The following ACOXL variants were observed in gnomAD, a reference collection of about 807,000 sequenced individuals.
ACOXL encodes acyl-coenzyme A oxidase-like protein.
ACOXL carries 70 observed loss-of-function variants against 71.9 expected under a neutral mutation model. That is an observed-to-expected ratio of 0.97 (90% CI 0.80 to 1.19). The LOEUF (loss-of-function observed/expected upper bound fraction) is 1.19. Ranked by LOEUF, ACOXL falls within the 50% of genes most tolerant of loss-of-function variation. The probability of loss-of-function intolerance (pLI) is 0.00; values close to 1 mark genes in which losing one functional copy is unlikely to be tolerated. For missense variants in ACOXL, 703 were observed against 736.3 expected (o/e 0.95, Z 0.52); for synonymous variants, 253 against 281.6 (o/e 0.90, Z 1.02).
At chr2:110,734,146 A>G (rs1214397919) in intron 1 of ACOXL, among the ~76,000 whole-genome samples, 1 of 152,254 alleles carries the variant, frequency 6.6e-6, no homozygotes, top group African/African-American at 2.4e-5. Context: ...CATAAAATAC[A>G]CTAATAGATT....
intron 1 of ACOXL, among the ~76,000 whole-genome samples, chr2:110,734,739 TTG>T (rs1469091540): frequency 1.3e-5 from 2 of 152,036 alleles, no homozygotes; most frequent in Non-Finnish European, 2.9e-5. Flanking sequence ...CGGAACAAAA[TTG>T]TAATAACCAA....
At chr2:111,096,250 T>TTATTAG (rs1267188754) in intron 17 of ACOXL, among the ~76,000 whole-genome samples, 2 of 150,618 alleles carry the variant, frequency 1.3e-5, no homozygotes, top group African/African-American at 4.9e-5. Flanking sequence ...ATTATTATTA[T>TTATTAG]TATTGAGACA....
intron 9 of ACOXL, among the ~76,000 whole-genome samples, chr2:110,812,347 A>C (rs1360778241): frequency 6.6e-6 from 1 of 152,100 alleles, no homozygotes. Flanking sequence ...GGAGTACATG[A>C]GAAGGTTTGT....
At chr2:110,878,296 G>A (rs530529800) in intron 10 of ACOXL, among the ~76,000 whole-genome samples, 100 of 152,330 alleles carry the variant, frequency 6.6e-4, no homozygotes, top group African/African-American at 2.3e-3. Flanking sequence ...ACTCAAAAGA[G>A]AGATTAAATA....
intron 1 of ACOXL, among the ~76,000 whole-genome samples, chr2:110,744,155 C>T (rs551138714): frequency 2.0e-5 from 3 of 152,240 alleles, no homozygotes; most frequent in Non-Finnish European, 2.9e-5. Flanking sequence ...AGAGAGAAAA[C>T]GAGGGAAAGA....
chr2:111,037,650 A>C (rs1430272285), intron 15 of ACOXL, among the ~76,000 whole-genome samples: 4 of 152,148 alleles, frequency 2.6e-5, no homozygotes, highest in South Asian at 4.1e-4. Flanking sequence ...TAATTTGTTT[A>C]ATCTCCACAA....
intron 12 of ACOXL, among the ~76,000 whole-genome samples, chr2:110,948,135 A>T (rs2061180829): frequency 6.6e-6 from 1 of 152,178 alleles, no homozygotes; most frequent in South Asian, 2.1e-4. Flanking sequence ...AAAAATATCT[A>T]CAAAATTGGA....
chr2:110,914,280 G>C (rs2059757450), intron 11 of ACOXL, among the ~76,000 whole-genome samples: 1 of 152,134 alleles, frequency 6.6e-6, no homozygotes, highest in Non-Finnish European at 1.5e-5. Context: ...TTGCAAGTCT[G>C]TTTAGATTTA....
At chr2:110,857,971 C>G (rs1693467249) in intron 10 of ACOXL, among the ~76,000 whole-genome samples, 1 of 152,156 alleles carries the variant, frequency 6.6e-6, no homozygotes, top group Non-Finnish European at 1.5e-5. Flanking sequence ...AGCAATCCAC[C>G]CACCTCGGCC....
At chr2:110,768,906 G>A (rs6750340) in intron 2 of ACOXL, among the ~76,000 whole-genome samples, 3,374 of 152,026 alleles carry the variant, frequency 0.022, 129 homozygotes, top group African/African-American at 0.077. Flanking sequence ...CTGACAGACA[G>A]GTCTCGGTGG....
intron 10 of ACOXL, among the ~76,000 whole-genome samples, chr2:110,866,786 C>A (rs1202866504): frequency 6.6e-6 from 1 of 152,196 alleles, no homozygotes; most frequent in Non-Finnish European, 1.5e-5. Flanking sequence ...CCCATCTCCC[C>A]ACTCACTCAT....
intron 12 of ACOXL, chr2:110,968,179 G>C (rs2062014591): frequency 8.6e-7 from 1 of 1,165,208 alleles, no homozygotes; most frequent in Non-Finnish European, 1.3e-6. Flanking sequence ...GTTTGGCACA[G>C]ACAACATCTA....
chr2:110,877,227 C>T (rs1276519939), intron 10 of ACOXL, among the ~76,000 whole-genome samples: 10 of 152,206 alleles, frequency 6.6e-5, no homozygotes, highest in Admixed American at 3.3e-4. Flanking sequence ...CGCAGAGGGT[C>T]GTGCTGGCTG....
intron 11 of ACOXL, among the ~76,000 whole-genome samples, chr2:110,911,786 T>G (rs930678757): frequency 1.3e-5 from 2 of 152,062 alleles, no homozygotes; most frequent in Non-Finnish European, 2.9e-5. Flanking sequence ...GAATGCTCTC[T>G]CCCTAAGATT....
At chr2:111,060,039 T>A (rs1476245138) in intron 16 of ACOXL, among the ~76,000 whole-genome samples, 1 of 152,064 alleles carries the variant, frequency 6.6e-6, no homozygotes, top group Non-Finnish European at 1.5e-5. Flanking sequence ...AAAGGCCCAG[T>A]GGGGAGTGCA....
chr2:110,956,938 A>C (rs2149431465), intron 12 of ACOXL, among the ~76,000 whole-genome samples: 1 of 152,290 alleles, frequency 6.6e-6, no homozygotes, highest in East Asian at 1.9e-4. Flanking sequence ...GTAACCCAGA[A>C]GGCAGAGAGC....
intron 3 of ACOXL, among the ~76,000 whole-genome samples, chr2:110,790,915 C>T (rs1472091772): frequency 6.6e-6 from 1 of 152,224 alleles, no homozygotes; most frequent in Non-Finnish European, 1.5e-5. Context: ...TCTCAGAGTC[C>T]TCTTTTTCCT....
At chr2:110,927,248 A>G (rs1045945631) in intron 11 of ACOXL, among the ~76,000 whole-genome samples, 17 of 152,258 alleles carry the variant, frequency 1.1e-4, no homozygotes, top group Non-Finnish European at 1.8e-4. Flanking sequence ...CCATGATTCA[A>G]TCACCTCTCG....
intron 10 of ACOXL, among the ~76,000 whole-genome samples, chr2:110,878,705 T>C: frequency 6.6e-6 from 1 of 151,804 alleles, no homozygotes; most frequent in East Asian, 1.9e-4. Flanking sequence ...GCAGAGGTTG[T>C]AGTGAGCCAG....
Sources: gnomAD v4.1 joint callset for allele counts (sites outside exome capture counted in the v4.1 genomes callset) on GRCh38, gnomAD v4.1.1 for gene constraint, MANE v1.5 for transcripts, NCBI Gene and HGNC (gene_info 2026-07-23, HGNC 2026-07-21) for gene names.